The following CDH20 variants were observed in gnomAD, a reference collection of about 807,000 sequenced individuals.
CDH20 encodes cadherin-20.
CDH20 carries 29 observed loss-of-function variants against 74.2 expected under a neutral mutation model. That is an observed-to-expected ratio of 0.39 (90% confidence interval 0.29 to 0.53). The LOEUF (loss-of-function observed/expected upper bound fraction) is 0.53. Among genes scored for constraint, CDH20 ranks in the 20% least tolerant of loss-of-function variants. The pLI, the probability that CDH20 is intolerant of heterozygous loss-of-function variation, is 0.69. For synonymous variants in CDH20, 469 were observed against 405.4 expected (o/e 1.16, Z -1.88); for missense variants, 988 against 1,048.3 (o/e 0.94, Z 0.79).
At chr18:61,480,328 G>T (rs1910545534) in intron 1 of CDH20, among the ~76,000 whole-genome samples, 1 of 152,128 alleles carries the variant, frequency 6.6e-6, no homozygotes. Flanking sequence ...AGTTTATTTT[G>T]CCAAGGTTGA....
chr18:61,420,271 C>A (rs1912829170), intron 1 of CDH20, among the ~76,000 whole-genome samples: 1 of 151,954 alleles, frequency 6.6e-6, no homozygotes, highest in Admixed American at 6.6e-5. Context: ...CTGCTGCTAA[C>A]CTAATTTATG....
rs187349901 is a variant in CDH20 at position 61,437,302 on chromosome 18, T to A, written c.-152-53100T>A. On this transcript the variant is annotated intron_variant, in intron 1 of 11. Transcript: ENST00000262717. ...GGGTTCATGTCCACAGTCTCTCAGC[T>A]CTTTGAGCCAAGCAAATGTAATTTG... Among the ~76,000 whole-genome samples, 412 of 152,296 alleles carry A rather than the reference T, an allele frequency of 2.7e-3. 1 individual carries two copies. Among genetic ancestry groups the A allele is most frequent in the African/African-American group, 9.4e-3 (392 of 41,576 alleles).
At position 61,467,699 on chromosome 18, in the gene CDH20, C is replaced by T. The variant is rs562795513; in HGVS notation, c.-152-22703C>T. Among the ~76,000 whole-genome samples the T allele has an allele frequency of 1.1e-4, 17 of 152,290 alleles. No individual in the cohort carries two copies. The East Asian group carries it at 1.3e-3, about 12-fold the overall frequency. On this transcript the variant is annotated intron_variant, in intron 1 of 11. Coordinates refer to ENST00000262717, the MANE Select transcript of CDH20 (RefSeq NM_031891.4). ...CTGAGCATCTCTTATGTTCTACACA[C>T]GGGGCCTTCCTGTGGCACACAAGAG...
At chr18:61,355,149 C>A (rs1278047113) in intron 1 of CDH20, among the ~76,000 whole-genome samples, 1 of 152,212 alleles carries the variant, frequency 6.6e-6, no homozygotes, top group Admixed American at 6.5e-5. Context: ...TACCTTATTT[C>A]AGATCATACT....
At chr18:61,534,784 G>C (rs1912764429) in intron 7 of CDH20, among the ~76,000 whole-genome samples, 1 of 152,138 alleles carries the variant, frequency 6.6e-6, no homozygotes, top group Non-Finnish European at 1.5e-5. Flanking sequence ...CTTCAGTAAG[G>C]GGTAGTAAGT....
In CDH20 at chr18:61,435,100, G is replaced by C. The variant is rs554085211; in HGVS notation, c.-152-55302G>C. Among the ~76,000 whole-genome samples the C allele has an allele frequency of 2.0e-5, 3 of 152,178 alleles. No homozygotes were observed. In the East Asian group the frequency reaches 5.8e-4, roughly 30 times the overall value. ...AAATCTTCACAATTCCTATACATTAGACTTACTGTCCTTTTTCTACAGATC... is the reference window on the plus strand; with the variant it reads ...AAATCTTCACAATTCCTATACATTACACTTACTGTCCTTTTTCTACAGATC... On this transcript the variant is annotated intron_variant, in intron 1 of 11. Coordinates refer to ENST00000262717, the MANE Select transcript of CDH20 (RefSeq NM_031891.4).
At chr18:61,549,849 G>C (rs1913370377) in intron 10 of CDH20, 129 bp from the exon 11 acceptor site, 1 of 969,824 alleles carries the variant, frequency 1.0e-6, no homozygotes, top group Non-Finnish European at 1.5e-6. Context: ...CGCCATGGTT[G>C]ACCACTACCA....
chr18:61,527,389 A>AGATGATAGATAGATAGATAGATAGAT (rs1491090383), intron 6 of CDH20, among the ~76,000 whole-genome samples: 1 of 133,420 alleles, frequency 7.5e-6, no homozygotes, highest in African/African-American at 2.7e-5. Context: ...ATAGATAGAT[A>AGATGATAGATAGATAGATAGATAGAT]GATAGATAGA....
At chr18:61,474,605 A>T (rs899890574) in intron 1 of CDH20, among the ~76,000 whole-genome samples, 1 of 152,196 alleles carries the variant, frequency 6.6e-6, no homozygotes, top group African/African-American at 2.4e-5. Context: ...CAAGATGAGA[A>T]TGTTATATTG....
chr18:61,477,774 T>C (rs1389114171), intron 1 of CDH20, among the ~76,000 whole-genome samples: 1 of 152,196 alleles, frequency 6.6e-6, no homozygotes, highest in Non-Finnish European at 1.5e-5. Context: ...CAACCCACAC[T>C]CCCATCCATA....
At chr18:61,461,141 A>G (rs924748463) in intron 1 of CDH20, among the ~76,000 whole-genome samples, 1 of 151,222 alleles carries the variant, frequency 6.6e-6, no homozygotes, top group Non-Finnish European at 1.5e-5. Flanking sequence ...GGGTATTTGA[A>G]TTTAATATTA....
At chr18:61,341,501 G>C (rs1495809) in intron 1 of CDH20, among the ~76,000 whole-genome samples, 11,413 of 152,070 alleles carry the variant, frequency 0.075, 606 homozygotes, top group Middle Eastern at 0.14. Context: ...AACACTCACA[G>C]GTCATTGCAT....
chr18:61,421,955 C>T (rs1027658717), intron 1 of CDH20, among the ~76,000 whole-genome samples: 1 of 152,104 alleles, frequency 6.6e-6, no homozygotes, highest in Non-Finnish European at 1.5e-5. Context: ...CAATAACGCT[C>T]ATATCATACA....
intron 1 of CDH20, among the ~76,000 whole-genome samples, chr18:61,476,845 T>C (rs1910405452): frequency 6.6e-6 from 1 of 152,194 alleles, no homozygotes; most frequent in South Asian, 2.1e-4. Flanking sequence ...TTTGGGAATC[T>C]CTCTTTTTTG....
At chr18:61,343,979 G>A (rs1910037011) in intron 1 of CDH20, among the ~76,000 whole-genome samples, 1 of 152,118 alleles carries the variant, frequency 6.6e-6, no homozygotes, top group South Asian at 2.1e-4. Context: ...TGGCCTGTAG[G>A]AGTCTGAGCA....
chr18:61,422,211 C>A (rs78162351), intron 1 of CDH20, among the ~76,000 whole-genome samples: 2,638 of 152,208 alleles, frequency 0.017, 102 homozygotes, highest in African/African-American at 0.06. Flanking sequence ...ACATATATTT[C>A]ATTTCTCTTT....
chr18:61,366,719 C>T (rs893108733), intron 1 of CDH20, among the ~76,000 whole-genome samples: 6 of 152,068 alleles, frequency 3.9e-5, no homozygotes, highest in Non-Finnish European at 4.4e-5. Flanking sequence ...TATAATGTTG[C>T]CCCTTCCCTC....
At chr18:61,413,373 A>G (rs12966454) in intron 1 of CDH20, among the ~76,000 whole-genome samples, 34,236 of 152,108 alleles carry the variant, frequency 0.23, 4,147 homozygotes, top group Middle Eastern at 0.34. Context: ...TTTTAACCAA[A>G]GGATCAATAG....
chr18:61,390,399 T>C (rs951254942), intron 1 of CDH20, among the ~76,000 whole-genome samples: 2 of 152,168 alleles, frequency 1.3e-5, no homozygotes, highest in Non-Finnish European at 2.9e-5. Context: ...TGGCCCAGAA[T>C]GCTAGAGTAA....
Sources: gnomAD v4.1 joint callset for allele counts (sites outside exome capture counted in the v4.1 genomes callset) on GRCh38, gnomAD v4.1.1 for gene constraint, MANE v1.5 for transcripts, NCBI Gene and HGNC (gene_info 2026-07-23, HGNC 2026-07-21) for gene names.